SKAP1: variants seen among roughly 807,000 people sequenced by gnomAD.
SKAP1 encodes the protein src kinase associated phosphoprotein 1.
Under a neutral mutation model 58.5 loss-of-function variants are expected in SKAP1, and 44 were observed. That is an observed-to-expected ratio of 0.75 (90% CI 0.59 to 0.97). The LOEUF is 0.97. SKAP1 is among the 50% of genes least tolerant of loss of function. The probability of loss-of-function intolerance (pLI) is 0.00; values close to 1 mark genes in which losing one functional copy is unlikely to be tolerated. For synonymous variants in SKAP1, 127 were observed against 149.7 expected (o/e 0.85, Z 1.11); for missense variants, 390 against 435.2 (o/e 0.90, Z 0.92).
rs1056842717 is a variant in SKAP1 at position 48,385,781 on chromosome 17, G to A, written c.152+10899C>T. ...ATCCTTTAGGATGCAGAAAAGAGGT[G>A]GAGGATATTGTGGGGTTTGGTTATA... On this transcript the variant is annotated intron_variant, in intron 2 of 12. Transcript: ENST00000336915. 4.6e-5 allele frequency among the ~76,000 whole-genome samples: 7 copies of A among 152,194 alleles called. No homozygotes were observed. In the East Asian group the frequency reaches 9.6e-4, roughly 21 times the overall value.
chr17:48,257,122 T>G (rs1187892368), intron 4 of SKAP1, among the ~76,000 whole-genome samples: 1 of 152,082 alleles, frequency 6.6e-6, no homozygotes, highest in African/African-American at 2.4e-5. Flanking sequence ...TTACTGTCAT[T>G]TAAAATTTTT....
intron 4 of SKAP1, among the ~76,000 whole-genome samples, chr17:48,306,344 C>T (rs1471227536): frequency 6.6e-6 from 1 of 152,162 alleles, no homozygotes. Flanking sequence ...TGAAACCTCC[C>T]ACACCTAGAA....
chr17:48,161,324 A>G lies in SKAP1; in HGVS notation c.978+1145T>C, dbSNP rs889679567. 2.0e-5 allele frequency among the ~76,000 whole-genome samples: 3 copies of G among 152,396 alleles called. 1 individual carries two copies. Among genetic ancestry groups the G allele is most frequent in the Middle Eastern group, 6.8e-3 (2 of 294 alleles). ...TTTTCAGTTTTCCCTTATGGAATCC[A>G]CATACTCAGCAATTAAAGAGCAAGT... On this transcript the variant is annotated intron_variant, in intron 11 of 12. Transcript: ENST00000336915.
chr17:48,278,809 GA>G (rs914563598), intron 4 of SKAP1, among the ~76,000 whole-genome samples: 4 of 152,078 alleles, frequency 2.6e-5, no homozygotes, highest in Admixed American at 6.6e-5. Flanking sequence ...TTAGGGGGGA[GA>G]AAACAAAGTT....
chr17:48,333,893 G>A (rs1296022932), intron 4 of SKAP1, among the ~76,000 whole-genome samples: 3 of 151,914 alleles, frequency 2.0e-5, no homozygotes, highest in Non-Finnish European at 2.9e-5. Flanking sequence ...TCCACATGAA[G>A]AGCTCCTTGA....
At chr17:48,324,497 C>T (rs926440628) in intron 4 of SKAP1, among the ~76,000 whole-genome samples, 6 of 151,926 alleles carry the variant, frequency 3.9e-5, no homozygotes, top group African/African-American at 1.4e-4. Context: ...TTTTTCTTTG[C>T]ACACATATAC....
chr17:48,189,768 A>G (rs1222238222), intron 4 of SKAP1, among the ~76,000 whole-genome samples: 1 of 151,072 alleles, frequency 6.6e-6, no homozygotes, highest in African/African-American at 2.4e-5. Flanking sequence ...TCTGCCTCCC[A>G]GGTTCGAGCC....
chr17:48,134,831 G>A (rs2063679997), intron 12 of SKAP1, among the ~76,000 whole-genome samples: 1 of 151,222 alleles, frequency 6.6e-6, no homozygotes, highest in Non-Finnish European at 1.5e-5. Context: ...AGCTTCCCAA[G>A]TAGCTGGGAT....
At chr17:48,370,258 A>G (rs2067066679) in intron 2 of SKAP1, among the ~76,000 whole-genome samples, 1 of 152,188 alleles carries the variant, frequency 6.6e-6, no homozygotes, top group Non-Finnish European at 1.5e-5. Context: ...ACTAATCATC[A>G]GAGAAATGCA....
At chr17:48,419,651 G>T (rs2067772294) in intron 1 of SKAP1, among the ~76,000 whole-genome samples, 1 of 151,870 alleles carries the variant, frequency 6.6e-6, no homozygotes, top group Non-Finnish European at 1.5e-5. Context: ...GATGTTTTCT[G>T]TAGCTACCTA....
upstream of SKAP1, among the ~76,000 whole-genome samples, chr17:48,433,450 G>A (rs993219207): frequency 6.6e-6 from 1 of 152,136 alleles, no homozygotes; most frequent in Non-Finnish European, 1.5e-5. Flanking sequence ...ACACAGGCAG[G>A]AGGACAGAAC....
At chr17:48,272,025 C>T (rs2065639925) in intron 4 of SKAP1, among the ~76,000 whole-genome samples, 1 of 152,028 alleles carries the variant, frequency 6.6e-6, no homozygotes, top group Non-Finnish European at 1.5e-5. Context: ...TAACATTTTA[C>T]TGGATAGATG....
intron 11 of SKAP1, chr17:48,156,384 C>G (rs368826774): frequency 3.1e-6 from 1 of 323,702 alleles, no homozygotes; most frequent in African/African-American, 2.2e-5. Flanking sequence ...AAGTAATTTA[C>G]GAGTCGCAGG....
intron 4 of SKAP1, among the ~76,000 whole-genome samples, chr17:48,338,676 A>ATC (rs1358750873): frequency 6.6e-6 from 1 of 152,192 alleles, no homozygotes; most frequent in Non-Finnish European, 1.5e-5. Flanking sequence ...ATGAAAAGTT[A>ATC]GAGTTTAAAC....
At chr17:48,342,940 C>T (rs1264614153) in intron 4 of SKAP1, among the ~76,000 whole-genome samples, 1 of 151,200 alleles carries the variant, frequency 6.6e-6, no homozygotes, top group African/African-American at 2.4e-5. Context: ...AGCCGAGATC[C>T]CACCACTGCA....
At chr17:48,178,573 A>G (rs1432552926) in intron 9 of SKAP1, among the ~76,000 whole-genome samples, 1 of 152,084 alleles carries the variant, frequency 6.6e-6, no homozygotes, top group Non-Finnish European at 1.5e-5. Flanking sequence ...ATTTGATTCA[A>G]TTTTCCACTC....
chr17:48,265,077 T>C (rs1409029055), intron 4 of SKAP1, among the ~76,000 whole-genome samples: 1 of 152,182 alleles, frequency 6.6e-6, no homozygotes, highest in African/African-American at 2.4e-5. Context: ...CAATATACAC[T>C]TTTTATAGGA....
At chr17:48,354,517 G>C (rs532049673) in intron 3 of SKAP1, among the ~76,000 whole-genome samples, 1 of 152,320 alleles carries the variant, frequency 6.6e-6, no homozygotes, top group Admixed American at 6.5e-5. Context: ...TGGCAAATGT[G>C]TGTTAAATTC....
intron 1 of SKAP1, among the ~76,000 whole-genome samples, chr17:48,410,651 G>A (rs1476038726): frequency 6.6e-6 from 1 of 152,010 alleles, no homozygotes; most frequent in African/African-American, 2.4e-5. Flanking sequence ...AGGAGGTCGG[G>A]CGTAGTGGCT....
Sources: allele counts gnomAD v4.1 joint callset (sites outside exome capture counted in the v4.1 genomes callset), GRCh38; gene constraint gnomAD v4.1.1; transcripts MANE v1.5; gene names NCBI Gene and HGNC (gene_info 2026-07-23, HGNC 2026-07-21).